Variants in MACROD2 observed in about 807,000 individuals in gnomAD.
MACROD2 encodes the protein ADP-ribose glycohydrolase MACROD2.
A neutral mutation model predicts 70.4 loss-of-function variants in MACROD2; 36 were observed. The ratio of observed to expected loss-of-function variants is 0.51; its 90% confidence interval spans 0.39 to 0.68. MACROD2 has a LOEUF of 0.68. MACROD2 is among the 30% of genes least tolerant of loss of function. The pLI, the probability that MACROD2 is intolerant of heterozygous loss-of-function variation, is 0.00. For synonymous variants in MACROD2, 172 were observed against 178.8 expected (o/e 0.96, Z 0.30); for missense variants, 496 against 538.4 (o/e 0.92, Z 0.78).
chr20:14,354,426 A>G (rs1166770885), intron 3 of MACROD2, among the ~76,000 whole-genome samples: 2 of 152,150 alleles, frequency 1.3e-5, no homozygotes, highest in African/African-American at 4.8e-5. Context: ...CCAAAGTCAT[A>G]CAGGTTTTTT....
intron 3 of MACROD2, among the ~76,000 whole-genome samples, chr20:14,409,278 C>T (rs1219572544): frequency 2.0e-5 from 3 of 151,652 alleles, no homozygotes; most frequent in Non-Finnish European, 4.4e-5. Flanking sequence ...TTGCTGTGAC[C>T]TTGCATTCAG....
chr20:14,057,314 G>A (rs1367102075), intron 2 of MACROD2, among the ~76,000 whole-genome samples: 1 of 152,076 alleles, frequency 6.6e-6, no homozygotes, highest in East Asian at 1.9e-4. Flanking sequence ...GTCATCAAAA[G>A]TTACTGATAA....
chr20:15,750,389 T>C (rs1024828442), intron 8 of MACROD2, among the ~76,000 whole-genome samples: 6 of 152,002 alleles, frequency 3.9e-5, no homozygotes, highest in Non-Finnish European at 8.8e-5. Context: ...AGGGAACACT[T>C]ACACACTGTT....
intron 6 of MACROD2, among the ~76,000 whole-genome samples, chr20:15,299,956 C>T (rs907439252): frequency 1.3e-5 from 2 of 152,150 alleles, no homozygotes; most frequent in African/African-American, 4.8e-5. Flanking sequence ...TCTAGCTTTT[C>T]TTTGGACAGG....
chr20:14,655,171 A>G (rs1233699875), intron 4 of MACROD2, among the ~76,000 whole-genome samples: 1 of 152,202 alleles, frequency 6.6e-6, no homozygotes, highest in Non-Finnish European at 1.5e-5. Flanking sequence ...ACAACGTTTA[A>G]AAAGTTAGAT....
At chr20:15,978,482 C>G (rs1263179089) in intron 13 of MACROD2, among the ~76,000 whole-genome samples, 3 of 152,198 alleles carry the variant, frequency 2.0e-5, no homozygotes, top group Non-Finnish European at 4.4e-5. Context: ...CAGGGTCTCT[C>G]TCCACCATAT....
At chr20:15,145,082 T>C (rs958866133) in intron 5 of MACROD2, among the ~76,000 whole-genome samples, 4 of 152,098 alleles carry the variant, frequency 2.6e-5, no homozygotes, top group African/African-American at 9.7e-5. Context: ...CAGTAAATGG[T>C]TATCTTGGAG....
intron 3 of MACROD2, among the ~76,000 whole-genome samples, chr20:14,365,920 TTC>T (rs1248788004): frequency 1.1e-4 from 16 of 152,322 alleles, no homozygotes; most frequent in African/African-American, 3.6e-4. Flanking sequence ...CCAGTTTTTC[TTC>T]TGTTATTGAT....
At chr20:14,570,272 A>G (rs956270586) in intron 4 of MACROD2, among the ~76,000 whole-genome samples, 1 of 152,054 alleles carries the variant, frequency 6.6e-6, no homozygotes, top group African/African-American at 2.4e-5. Context: ...CTATTGTTCA[A>G]TTTGTGTAAA....
At chr20:15,951,522 A>G (rs2065905947) in intron 12 of MACROD2, among the ~76,000 whole-genome samples, 2 of 152,150 alleles carry the variant, frequency 1.3e-5, no homozygotes, top group Admixed American at 6.6e-5. Context: ...TTGTTTTCCT[A>G]TTTCATTTTG....
chr20:14,085,031 T>TGG (rs1385723716), intron 2 of MACROD2, among the ~76,000 whole-genome samples: 1 of 13,726 alleles, frequency 7.3e-5, no homozygotes, highest in Non-Finnish European at 1.5e-4. Flanking sequence ...GGTTGGGGGG[T>TGG]GGGGGGGTGG....
At chr20:14,732,468 G>T (rs1233793019) in intron 5 of MACROD2, among the ~76,000 whole-genome samples, 1 of 152,062 alleles carries the variant, frequency 6.6e-6, no homozygotes, top group East Asian at 1.9e-4. Flanking sequence ...TTAGATTTAT[G>T]AAGGGGGAAA....
rs948942617 is a variant in MACROD2 at position 16,051,868 on chromosome 20, A to G, written c.*1992A>G. On this transcript the variant is annotated 3_prime_UTR_variant, in exon 18 of 18. Coordinates refer to ENST00000684519, the MANE Select transcript of MACROD2 (RefSeq NM_001351661.2). ...AAAAAAACATGAGGGAAACAGAGGGACAGAGATTTTCTAATGAACAATGAT... is the reference window on the plus strand; with the variant it reads ...AAAAAAACATGAGGGAAACAGAGGGGCAGAGATTTTCTAATGAACAATGAT... 5.3e-5 allele frequency: 8 copies of G among 152,210 alleles called. No individual in the cohort carries two copies. Among genetic ancestry groups the G allele is most frequent in the Admixed American group, 5.2e-4 (8 of 15,280 alleles). 9.4% of individuals were successfully genotyped at this position (152,210 alleles called of 1,614,324 possible).
In MACROD2 at chr20:15,632,385, C is replaced by A. The variant is rs575986350; in HGVS notation, c.645+132538C>A. ...AACAAAATGTAAAATATATACCTAC[C>A]CCTGAGGAGCTCACAAGTTTAGCGG... On this transcript the variant is annotated intron_variant, in intron 8 of 17. Coordinates refer to ENST00000684519, the MANE Select transcript of MACROD2 (RefSeq NM_001351661.2). Among the ~76,000 whole-genome samples the A allele has an allele frequency of 1.3e-5, 2 of 152,144 alleles. 1 individual carries two copies. Among genetic ancestry groups the A allele is most frequent in the South Asian group, 4.2e-4 (2 of 4,806 alleles).
intron 3 of MACROD2, among the ~76,000 whole-genome samples, chr20:14,118,223 G>A (rs533379638): frequency 2.0e-5 from 3 of 151,966 alleles, no homozygotes; most frequent in Non-Finnish European, 2.9e-5. Context: ...TACAAAACTC[G>A]GCTTCTTCAT....
intron 8 of MACROD2, among the ~76,000 whole-genome samples, chr20:15,514,017 T>TA (rs1306211342): frequency 5.3e-5 from 8 of 152,024 alleles, no homozygotes; most frequent in Admixed American, 5.3e-4. Context: ...TGAACAGATT[T>TA]AAAATGTTAA....
At chr20:14,087,429 T>C (rs2054091646) in intron 3 of MACROD2, among the ~76,000 whole-genome samples, 1 of 152,076 alleles carries the variant, frequency 6.6e-6, no homozygotes, top group African/African-American at 2.4e-5. Context: ...TGTCAGTTGC[T>C]TTGTACCACA....
At chr20:14,534,836 T>C (rs6079479) in intron 4 of MACROD2, among the ~76,000 whole-genome samples, 54,140 of 143,528 alleles carry the variant, frequency 0.38, 10,050 homozygotes, top group Non-Finnish European at 0.44. Flanking sequence ...TTCTTCATTT[T>C]CAAGGGGCTT....
At chr20:15,557,525 G>A (rs2048183790) in intron 8 of MACROD2, among the ~76,000 whole-genome samples, 1 of 152,194 alleles carries the variant, frequency 6.6e-6, no homozygotes, top group Non-Finnish European at 1.5e-5. Flanking sequence ...GATTTAGCAA[G>A]CTTACCATTG....
Sources: allele counts gnomAD v4.1 joint callset (sites outside exome capture counted in the v4.1 genomes callset), GRCh38; gene constraint gnomAD v4.1.1; transcripts MANE v1.5; gene names NCBI Gene and HGNC (gene_info 2026-07-23, HGNC 2026-07-21).